Variants in STK32C observed in about 807,000 individuals in gnomAD.
STK32C encodes the protein serine/threonine kinase 32C.
STK32C carries 31 observed loss-of-function variants against 56.5 expected under a neutral mutation model. That is an observed-to-expected ratio of 0.55 (90% CI 0.41 to 0.74). STK32C has a LOEUF of 0.74. Among genes scored for constraint, STK32C ranks in the 30% least tolerant of loss-of-function variants. STK32C has a pLI of 0.00. For synonymous variants in STK32C, 309 were observed against 289.4 expected (o/e 1.07, Z -0.69); for missense variants, 544 against 676.9 (o/e 0.80, Z 2.18).
chr10:132,235,268 C>A (rs551077756), intron 2 of STK32C, among the ~76,000 whole-genome samples: 1 of 151,952 alleles, frequency 6.6e-6, no homozygotes, highest in African/African-American at 2.4e-5. Context: ...GAGGCGGAGG[C>A]GGGCAGATCA....
At chr10:132,224,614 ACCCCCTC>A in intron 7 of STK32C, 91 bp from the exon 8 acceptor site, 1 of 909,064 alleles carries the variant, frequency 1.1e-6, no homozygotes, top group Non-Finnish European at 1.7e-6. Context: ...CCCTGAGAGG[ACCCCCTC>A]CCCCCACCCC....
At chr10:132,224,018 G>C (rs2062780571) in intron 8 of STK32C, among the ~76,000 whole-genome samples, 1 of 152,200 alleles carries the variant, frequency 6.6e-6, no homozygotes, top group Non-Finnish European at 1.5e-5. Flanking sequence ...AAGGGTCCCG[G>C]AGATAGCATG....
intron 1 of STK32C, among the ~76,000 whole-genome samples, chr10:132,305,243 A>G (rs1303874386): frequency 6.6e-6 from 1 of 152,266 alleles, no homozygotes; most frequent in African/African-American, 2.4e-5. Context: ...AGAATTCTGT[A>G]CATGCACCAA....
At chr10:132,298,801 C>G (rs2065832105) in intron 1 of STK32C, among the ~76,000 whole-genome samples, 1 of 152,110 alleles carries the variant, frequency 6.6e-6, no homozygotes, top group Non-Finnish European at 1.5e-5. Context: ...GGGAAGCTGG[C>G]CTGGAAGTGG....
chr10:132,318,749 A>T (rs546189322), intron 1 of STK32C, among the ~76,000 whole-genome samples: 27 of 152,266 alleles, frequency 1.8e-4, no homozygotes, highest in African/African-American at 5.1e-4. Context: ...TAAAATTTTT[A>T]AAATTGCTTT....
In STK32C at chr10:132,307,942, C is replaced by A. The variant is rs572575686; in HGVS notation, c.-109G>T. 1.2e-4 allele frequency: 126 copies of A among 1,062,724 alleles called. No individual in the cohort carries two copies. The South Asian group carries it at 2.8e-3, about 24-fold the overall frequency. The allele number at this position is 1,062,724 out of a possible 1,614,324, so 65.8% of individuals were successfully genotyped here. ...CTCGGGGCCGGCAGCGCCCGCCGTG[C>A]GCTCTTCTGGGCGGTGGAACCCGCC... On this transcript the variant is annotated 5_prime_UTR_variant, in exon 1 of 12. Transcript: ENST00000298630. This position sits in a 1 kb window ranked among gnomAD's most constrained non-coding sequence, Gnocchi z 4.4.
intron 5 of STK32C, 54 bp from the exon 6 acceptor site, chr10:132,225,670 C>T (rs187244260): frequency 7.5e-6 from 12 of 1,608,358 alleles, no homozygotes; most frequent in Middle Eastern, 1.6e-4. Flanking sequence ...TGCATCCTTG[C>T]GTGCAGGATC....
chr10:132,302,532 T>C (rs539440625), intron 1 of STK32C, among the ~76,000 whole-genome samples: 2 of 152,086 alleles, frequency 1.3e-5, no homozygotes, highest in Non-Finnish European at 1.5e-5. Flanking sequence ...GCCAGGACCA[T>C]AGGCCTCCTC....
At chr10:132,306,911 T>C (rs1429832224) in intron 1 of STK32C, 3 of 152,236 alleles carry the variant, frequency 2.0e-5, no homozygotes, top group Non-Finnish European at 2.9e-5. Flanking sequence ...GCCTGTCCCA[T>C]GTCACCTCAC....
In STK32C at chr10:132,228,681, G is replaced by A. The variant is rs560375924; in HGVS notation, c.319-553C>T. On this transcript the variant is annotated intron_variant, in intron 2 of 11. Coordinates refer to ENST00000298630, the MANE Select transcript of STK32C (RefSeq NM_173575.4). ...CAGGGCTTGGAGCAGCAAGCAGCCC[G>A]GAGGGGTACTGGGGAATGAATGCGA... Among the ~76,000 whole-genome samples the A allele has an allele frequency of 1.9e-4, 29 of 152,348 alleles. No homozygotes were observed. The East Asian group carries it at 5.6e-3, about 29-fold the overall frequency.
chr10:132,226,752 C>T (rs199831879), intron 4 of STK32C, 43 bp downstream of exon 4: 67 of 1,595,748 alleles, frequency 4.2e-5, no homozygotes, highest in Non-Finnish European at 5.4e-5. Context: ...GCTTCAGCCC[C>T]GCCCACCTCA....
chr10:132,225,207 GC>G lies in STK32C; in HGVS notation c.876+25del, dbSNP rs763236510. On this transcript the variant is annotated intron_variant, in intron 7 of 11. Transcript: ENST00000298630. Reference sequence around the variant, plus strand: ...CAGAGAGCAGGGGCCTGGCAGCCAAGCCCAGGGGCTGCAGGGGGTCCATACC... The same window carrying G: ...CAGAGAGCAGGGGCCTGGCAGCCAAGCCAGGGGCTGCAGGGGGTCCATACC... 3.8e-6 allele frequency: 6 copies of G among 1,564,874 alleles called. No homozygotes were observed. The African/African-American group carries it at 5.4e-5, about 14-fold the overall frequency.
intron 1 of STK32C, among the ~76,000 whole-genome samples, chr10:132,318,235 T>C (rs2066342949): frequency 6.6e-6 from 1 of 150,912 alleles, no homozygotes; most frequent in African/African-American, 2.4e-5. Context: ...GCCACTGCAC[T>C]CCAGCCTGGG....
intron 1 of STK32C, among the ~76,000 whole-genome samples, chr10:132,265,135 A>G (rs71480036): frequency 0.24 from 29,608 of 124,482 alleles, 4,474 homozygotes; most frequent in Non-Finnish European, 0.32. Context: ...CCGCAAGGGC[A>G]GTGAGGTGGG....
At chr10:132,271,581 G>A (rs2064826302) in intron 1 of STK32C, among the ~76,000 whole-genome samples, 1 of 152,220 alleles carries the variant, frequency 6.6e-6, no homozygotes, top group South Asian at 2.1e-4. Context: ...GAAGAAGGTG[G>A]CCGTGGCGTC....
At chr10:132,322,162 G>C (rs1440213263), downstream of STK32C, among the ~76,000 whole-genome samples, 1 of 152,192 alleles carries the variant, frequency 6.6e-6, no homozygotes, top group African/African-American at 2.4e-5. Flanking sequence ...CTGACAGCTA[G>C]TAAAGTGAAG....
intron 1 of STK32C, among the ~76,000 whole-genome samples, chr10:132,282,447 A>G (rs1195651344): frequency 2.2e-5 from 3 of 137,714 alleles, no homozygotes; most frequent in Admixed American, 1.5e-4. Flanking sequence ...CTGTACCTGC[A>G]CCCACCTGTG....
At position 132,236,348 on chromosome 10, in the gene STK32C, G is replaced by C. The variant is rs538100477; in HGVS notation, c.319-8220C>G. Among the ~76,000 whole-genome samples the C allele has an allele frequency of 3.3e-5, 5 of 152,364 alleles. No individual in the cohort carries two copies. In the South Asian group the frequency reaches 8.3e-4, roughly 25 times the overall value. ...GGTCCTGGATGCCACAACCTGTCAT[G>C]AGGTTCGCAGAAGGGGGTGACCCGA... is the stretch of plus-strand genomic sequence containing the variant. On this transcript the variant is annotated intron_variant, in intron 2 of 11. Coordinates refer to ENST00000298630, the MANE Select transcript of STK32C (RefSeq NM_173575.4).
At chr10:132,258,444 T>G (rs973949368) in intron 1 of STK32C, among the ~76,000 whole-genome samples, 6 of 152,106 alleles carry the variant, frequency 3.9e-5, no homozygotes, top group African/African-American at 2.4e-5. Flanking sequence ...CTTCCAGGGC[T>G]CTTTGCAAAG....
Sources: allele counts gnomAD v4.1 joint callset (sites outside exome capture counted in the v4.1 genomes callset), GRCh38; gene constraint gnomAD v4.1.1; non-coding constraint Gnocchi (gnomAD v3.1); transcripts MANE v1.5; gene names NCBI Gene and HGNC (gene_info 2026-07-23, HGNC 2026-07-21).